The following ZFAND3 variants were observed in gnomAD, a reference collection of about 807,000 sequenced individuals.
ZFAND3 encodes AN1-type zinc finger protein 3.
ZFAND3 carries 10 observed loss-of-function variants against 29.6 expected under a neutral mutation model. That is an observed-to-expected ratio of 0.34 (90% CI 0.21 to 0.57). The LOEUF (loss-of-function observed/expected upper bound fraction) is 0.57. ZFAND3 is among the 20% of genes least tolerant of loss of function. ZFAND3 has a pLI of 0.86. For missense variants in ZFAND3, 230 were observed against 304.5 expected (o/e 0.76, Z 1.82); for synonymous variants, 128 against 112.6 (o/e 1.14, Z -0.87).
At chr6:38,001,109 TACTA>T (rs1762940391) in intron 2 of ZFAND3, among the ~76,000 whole-genome samples, 1 of 152,222 alleles carries the variant, frequency 6.6e-6, no homozygotes, top group African/African-American at 2.4e-5. Flanking sequence ...TATATCCTTT[TACTA>T]AGGAGATTTT....
intron 1 of ZFAND3, among the ~76,000 whole-genome samples, chr6:37,851,897 T>G (rs1181261792): frequency 6.6e-6 from 1 of 152,218 alleles, no homozygotes; most frequent in South Asian, 2.1e-4. Context: ...TGTTGTTGTT[T>G]TTGTTAATTA....
In ZFAND3 at chr6:38,100,620, C is replaced by A. The variant is rs183761094; in HGVS notation, c.362-15952C>A. Reference sequence around the variant, plus strand: ...TGATTACCAGCTACAAACATGTTGTCATGTACTTTCCCATCAGACCTAAGC... The same window carrying A: ...TGATTACCAGCTACAAACATGTTGTAATGTACTTTCCCATCAGACCTAAGC... On this transcript the variant is annotated intron_variant, in intron 4 of 5. Transcript: ENST00000287218. 5.2e-4 allele frequency among the ~76,000 whole-genome samples: 79 copies of A among 152,258 alleles called. 1 individual carries two copies. Among genetic ancestry groups the A allele is most frequent in the Non-Finnish European group, 1.0e-3 (71 of 68,016 alleles).
Position 37,846,643 on chromosome 6 carries a change from G to A in ZFAND3, c.71+26627G>A, listed in dbSNP as rs149465550. Among the ~76,000 whole-genome samples, 232 of 152,074 alleles carry A rather than the reference G, an allele frequency of 1.5e-3. 3 individuals carry two copies. The Middle Eastern group carries it at 0.031, about 20-fold the overall frequency. The stretch of plus-strand genomic sequence containing the variant: ...GAAGCTCACTCATCTAGAAAGAGGT[G>A]GAGCTGGAACTCAAATCTAGTTTGT... On this transcript the variant is annotated intron_variant, in intron 1 of 5. Transcript: ENST00000287218.
chr6:37,951,065 G>A (rs1443593174), intron 2 of ZFAND3, among the ~76,000 whole-genome samples: 6 of 152,038 alleles, frequency 3.9e-5, no homozygotes, highest in African/African-American at 1.4e-4. Flanking sequence ...TATAATTCTT[G>A]TTGTAGAGAT....
intron 2 of ZFAND3, among the ~76,000 whole-genome samples, chr6:37,931,057 A>G (rs966212527): frequency 1.8e-4 from 27 of 152,148 alleles, no homozygotes; most frequent in Non-Finnish European, 8.8e-5. Context: ...AAATATGGTG[A>G]TTAGGCCAGC....
At chr6:38,123,606 T>C (rs1765574895) in intron 5 of ZFAND3, among the ~76,000 whole-genome samples, 1 of 152,188 alleles carries the variant, frequency 6.6e-6, no homozygotes, top group Non-Finnish European at 1.5e-5. Flanking sequence ...GGAGAGTCCA[T>C]GCTCTACTAT....
intron 3 of ZFAND3, among the ~76,000 whole-genome samples, chr6:38,066,050 G>A (rs773812967): frequency 2.2e-4 from 34 of 152,182 alleles, no homozygotes; most frequent in Admixed American, 6.5e-4. Flanking sequence ...TGGGGTGGAA[G>A]GGGGGAAGTA....
rs1394104572 is a variant in ZFAND3, at chr6:38,153,637, A to T, written c.*1248A>T. ...CTGTGCCCCCTCATGTTCACAGAGG[A>T]TTTCAGCAGCTGCAACTGCGCACGC... is the stretch of plus-strand genomic sequence containing the variant. On this transcript the variant is annotated 3_prime_UTR_variant, in exon 6 of 6. Coordinates refer to ENST00000287218, the MANE Select transcript of ZFAND3 (RefSeq NM_021943.3). 1 of 984,548 alleles carries T rather than the reference A, an allele frequency of 1.0e-6. No homozygotes were observed. The highest frequency in any genetic ancestry group is 6.2e-5 in the Admixed American group (1 of 16,246). The allele number at this position is 984,548 out of a possible 1,614,324, so 61.0% of individuals were successfully genotyped here. A position where few individuals can be genotyped will look rare whatever the true frequency, so the allele number is the denominator to read the frequency against.
chr6:37,938,166 G>T (rs777696480), intron 2 of ZFAND3, among the ~76,000 whole-genome samples: 3 of 152,036 alleles, frequency 2.0e-5, no homozygotes, highest in Non-Finnish European at 4.4e-5. Flanking sequence ...ATGGTATTTT[G>T]TACTAGTCTA....
chr6:37,951,448 A>C (rs1224643496), intron 2 of ZFAND3, among the ~76,000 whole-genome samples: 4 of 152,160 alleles, frequency 2.6e-5, no homozygotes, highest in African/African-American at 9.7e-5. Context: ...AAAAAAATTT[A>C]GCCAGGCATA....
chr6:37,906,902 T>C (rs1386154371), intron 1 of ZFAND3, among the ~76,000 whole-genome samples: 2 of 152,110 alleles, frequency 1.3e-5, no homozygotes, highest in Non-Finnish European at 2.9e-5. Flanking sequence ...AGCAGTCTTT[T>C]GATTATGAAA....
At chr6:37,987,940 C>T (rs138812019) in intron 2 of ZFAND3, among the ~76,000 whole-genome samples, 75 of 152,172 alleles carry the variant, frequency 4.9e-4, no homozygotes, top group Non-Finnish European at 8.1e-4. Context: ...TAGTATTTTC[C>T]GGGAATAAAT....
chr6:37,966,600 C>T (rs935387274), intron 2 of ZFAND3, among the ~76,000 whole-genome samples: 5 of 151,192 alleles, frequency 3.3e-5, no homozygotes, highest in African/African-American at 1.2e-4. Context: ...CTGGATTTAC[C>T]TTAAAAAAAA....
At chr6:37,957,969 A>G (rs1207835425) in intron 2 of ZFAND3, among the ~76,000 whole-genome samples, 2 of 152,234 alleles carry the variant, frequency 1.3e-5, no homozygotes, top group Non-Finnish European at 2.9e-5. Flanking sequence ...ACACAAATCA[A>G]ATAGAGGGAC....
chr6:38,103,048 C>G (rs1053559896), intron 4 of ZFAND3, among the ~76,000 whole-genome samples: 2 of 152,128 alleles, frequency 1.3e-5, no homozygotes, highest in Non-Finnish European at 2.9e-5. Context: ...TGAGCCACCG[C>G]GCCTGGCTGG....
chr6:38,013,203 CA>C (rs767424896), intron 2 of ZFAND3, among the ~76,000 whole-genome samples: 1 of 152,132 alleles, frequency 6.6e-6, no homozygotes, highest in Non-Finnish European at 1.5e-5. Context: ...CCTGTATTTT[CA>C]ACTTCACTTG....
intron 1 of ZFAND3, among the ~76,000 whole-genome samples, chr6:37,879,269 G>A (rs1393442333): frequency 6.6e-6 from 1 of 152,104 alleles, no homozygotes; most frequent in Admixed American, 6.5e-5. Context: ...TCACTTCTTT[G>A]GTCCAGCAAG....
chr6:38,058,737 C>T (rs1478513737), intron 2 of ZFAND3, among the ~76,000 whole-genome samples: 2 of 152,182 alleles, frequency 1.3e-5, no homozygotes, highest in African/African-American at 4.8e-5. Flanking sequence ...GTCCTTGCTA[C>T]TTATTAGCTG....
intron 4 of ZFAND3, among the ~76,000 whole-genome samples, chr6:38,086,442 A>G (rs1022259445): frequency 1.3e-5 from 2 of 152,214 alleles, no homozygotes; most frequent in African/African-American, 4.8e-5. Context: ...GCTTTTGGTT[A>G]GAATGTGTGA....
Sources: allele counts gnomAD v4.1 joint callset (sites outside exome capture counted in the v4.1 genomes callset), GRCh38; gene constraint gnomAD v4.1.1; transcripts MANE v1.5; gene names NCBI Gene and HGNC (gene_info 2026-07-23, HGNC 2026-07-21).